Variants in TEX10 observed in about 807,000 individuals in gnomAD.
The protein encoded by TEX10 is testis expressed 10.
A neutral mutation model predicts 104.4 loss-of-function variants in TEX10; 24 were observed. That is an observed-to-expected ratio of 0.23 (90% CI 0.17 to 0.32). TEX10 has a LOEUF of 0.32. Ranked by LOEUF, TEX10 falls within the 10% of genes least tolerant of loss-of-function variation. The pLI, the probability that TEX10 is intolerant of heterozygous loss-of-function variation, is 1.00. For missense variants in TEX10, 921 were observed against 1,083.9 expected (o/e 0.85, Z 2.11); for synonymous variants, 396 against 393.4 (o/e 1.01, Z -0.08).
intron 11 of TEX10, among the ~76,000 whole-genome samples, chr9:100,317,467 T>C (rs1834449817): frequency 1.3e-5 from 2 of 152,088 alleles, no homozygotes; most frequent in African/African-American, 4.8e-5. Context: ...TGAATCTCTC[T>C]TACAATATAC....
At chr9:100,329,725 C>G (rs1834805451) in intron 6 of TEX10, among the ~76,000 whole-genome samples, 1 of 152,096 alleles carries the variant, frequency 6.6e-6, no homozygotes, top group Admixed American at 6.6e-5. Context: ...CTTTATCAAT[C>G]TGCTTCAGAG....
intron 13 of TEX10, chr9:100,306,483 T>C (rs891617897): frequency 6.6e-6 from 1 of 152,190 alleles, no homozygotes; most frequent in African/African-American, 2.4e-5. Context: ...GATTTTTTCA[T>C]TAGTTAACAC....
intron 12 of TEX10, 25 bp from the exon 13 acceptor site, chr9:100,308,706 T>A: frequency 6.4e-7 from 1 of 1,564,224 alleles, no homozygotes; most frequent in Middle Eastern, 1.7e-4. Context: ...ACGAGATTAA[T>A]CACCTCTTCA....
In TEX10 at chr9:100,329,911, G is replaced by C. The variant is rs1161871698; in HGVS notation, c.1489+20C>G. 1 of 1,584,448 alleles carries C rather than the reference G, an allele frequency of 6.3e-7. No homozygotes were observed. Among genetic ancestry groups the C allele is most frequent in the African/African-American group, 1.3e-5 (1 of 74,082 alleles). On this transcript the variant is annotated intron_variant, in intron 6 of 14. Coordinates refer to ENST00000374902, the MANE Select transcript of TEX10 (RefSeq NM_017746.4). ...TGTAAGAGCTCCACTCTTAAATAAG[G>C]GCAAAGTAGCATCACCTACCTCTGT...
chr9:100,332,484 TG>T (rs1834888714), intron 5 of TEX10, among the ~76,000 whole-genome samples: 2 of 152,300 alleles, frequency 1.3e-5, no homozygotes, highest in South Asian at 4.2e-4. Context: ...AGATCTCTGA[TG>T]AAACTTTAAC....
At position 100,338,619 on chromosome 9, in the gene TEX10, G is replaced by A. The variant is rs150218868; in HGVS notation, c.1250+1638C>T. Among the ~76,000 whole-genome samples the A allele has an allele frequency of 3.5e-3, 531 of 152,192 alleles. 3 individuals are homozygous for A. The highest frequency in any genetic ancestry group is 9.2e-3 in the Admixed American group (140 of 15,278). On this transcript the variant is annotated intron_variant, in intron 5 of 14. Transcript: ENST00000374902. ...AAAAAAATCACTGTCGGCCAGGCAC[G>A]GTAGCTCACACCTGTAATCCCAGCA...
intron 11 of TEX10, 99 bp downstream of exon 11, chr9:100,320,166 T>G: frequency 2.6e-6 from 3 of 1,134,660 alleles, no homozygotes; most frequent in Non-Finnish European, 3.5e-6. Flanking sequence ...CAAGTATCTT[T>G]GAAAAGATCT....
rs1451224814 is a variant in TEX10 at position 100,302,253 on chromosome 9, A to AGTAAT, written c.2723_2727dup (p.Cys910IlefsTer31). On this transcript the variant is annotated frameshift_variant, in exon 15 of 15. Coordinates refer to ENST00000374902, the MANE Select transcript of TEX10 (RefSeq NM_017746.4). LOFTEE classifies it high-confidence loss of function. ...TGCCCAGTGATATACACGTTGAAGC[A>AGTAAT]GTAATGTAAGTCTGTGAGCCACTGT... is the stretch of plus-strand genomic sequence containing the variant. 1 of 1,613,804 alleles carries AGTAAT rather than the reference A, an allele frequency of 6.2e-7. No homozygotes were observed. Among genetic ancestry groups the AGTAAT allele is most frequent in the Non-Finnish European group, 8.5e-7 (1 of 1,179,816 alleles).
At chr9:100,314,026 C>A (rs1227719669) in intron 11 of TEX10, among the ~76,000 whole-genome samples, 1 of 151,550 alleles carries the variant, frequency 6.6e-6, no homozygotes, top group African/African-American at 2.4e-5. Context: ...CTTTTTTGTA[C>A]ATTTGGCAGA....
At chr9:100,335,190 G>A (rs949293705) in intron 5 of TEX10, among the ~76,000 whole-genome samples, 7 of 152,132 alleles carry the variant, frequency 4.6e-5, no homozygotes, top group South Asian at 2.1e-4. Context: ...AAAAATATGC[G>A]TTCTCAAGGG....
At chr9:100,349,719 T>A (rs1389691573) in intron 1 of TEX10, among the ~76,000 whole-genome samples, 1 of 152,178 alleles carries the variant, frequency 6.6e-6, no homozygotes, top group Non-Finnish European at 1.5e-5. Flanking sequence ...CCTAGAGATG[T>A]AACTTGTATC....
intron 1 of TEX10, among the ~76,000 whole-genome samples, chr9:100,351,446 T>C (rs1587748758): frequency 6.6e-6 from 1 of 150,960 alleles, no homozygotes; most frequent in East Asian, 2.0e-4. Context: ...AAGAAGGCCA[T>C]GATACTCACC....
intron 11 of TEX10, among the ~76,000 whole-genome samples, chr9:100,317,625 T>C (rs1834454256): frequency 6.6e-6 from 1 of 151,862 alleles, no homozygotes; most frequent in East Asian, 1.9e-4. Context: ...AAAACAACAA[T>C]AGACAAATAG....
chr9:100,303,563 C>T (rs1834067406), intron 14 of TEX10, 69 bp downstream of exon 14: 2 of 1,534,148 alleles, frequency 1.3e-6, no homozygotes, highest in Non-Finnish European at 1.8e-6. Context: ...AACACACTTT[C>T]CCCCATGCCC....
intron 8 of TEX10, 42 bp downstream of exon 8, chr9:100,327,745 G>T: frequency 6.8e-7 from 1 of 1,463,412 alleles, no homozygotes; most frequent in South Asian, 1.6e-5. Context: ...ATATCAGGGT[G>T]GATCAATGAC....
chr9:100,317,565 T>C (rs1834452531), intron 11 of TEX10, among the ~76,000 whole-genome samples: 1 of 152,112 alleles, frequency 6.6e-6, no homozygotes, highest in African/African-American at 2.4e-5. Flanking sequence ...CTTCTGGACA[T>C]TGATCTAGAC....
chr9:100,352,690 C>T (rs1432759539), intron 1 of TEX10, 82 bp downstream of exon 1: 4 of 1,329,358 alleles, frequency 3.0e-6, no homozygotes, highest in Non-Finnish European at 3.8e-6. Flanking sequence ...CCCGCTTGGG[C>T]CGCGGATCGG....
chr9:100,333,114 G>A (rs944807070), intron 5 of TEX10, among the ~76,000 whole-genome samples: 26 of 152,156 alleles, frequency 1.7e-4, no homozygotes, highest in African/African-American at 5.3e-4. Flanking sequence ...ACAGGAACAT[G>A]CCACCACACC....
intron 11 of TEX10, among the ~76,000 whole-genome samples, chr9:100,316,910 A>AAAAAAAAAAAC (rs1564205987): frequency 2.1e-5 from 3 of 145,886 alleles, no homozygotes; most frequent in Non-Finnish European, 4.5e-5. Flanking sequence ...AAAAAAAAAA[A>AAAAAAAAAAAC]AAAAAACCTA....
Sources: gnomAD v4.1 joint callset for allele counts (sites outside exome capture counted in the v4.1 genomes callset) on GRCh38, gnomAD v4.1.1 for gene constraint, MANE v1.5 for transcripts, NCBI Gene and HGNC (gene_info 2026-07-23, HGNC 2026-07-21) for gene names.